The following LSAMP variants were observed in gnomAD, a reference collection of about 807,000 sequenced individuals.
The protein encoded by LSAMP is limbic system-associated membrane protein.
Under a neutral mutation model 38.6 loss-of-function variants are expected in LSAMP, and 7 were observed. The ratio of observed to expected loss-of-function variants is 0.18; its 90% CI spans 0.10 to 0.34. The LOEUF is 0.34. Among genes scored for constraint, LSAMP ranks in the 10% least tolerant of loss-of-function variants. LSAMP has a pLI of 1.00. For missense variants in LSAMP, 313 were observed against 420.0 expected, an observed-to-expected ratio of 0.75 and a Z score of 2.23; for synonymous variants, 154 against 166.8, an observed-to-expected ratio of 0.92 and a Z score of 0.59.
intron 3 of LSAMP, among the ~76,000 whole-genome samples, chr3:115,937,390 C>T (rs1937739663): frequency 6.6e-6 from 1 of 152,090 alleles, no homozygotes; most frequent in African/African-American, 2.4e-5. Context: ...CCTGTAATCT[C>T]AGCATGTTGG....
At chr3:116,436,682 G>C (rs1348441901) in intron 1 of LSAMP, among the ~76,000 whole-genome samples, 2 of 152,048 alleles carry the variant, frequency 1.3e-5, no homozygotes, top group Non-Finnish European at 1.5e-5. Context: ...AAACACAATA[G>C]ACGCTGGCAT....
chr3:116,110,728 G>A (rs941516691), intron 1 of LSAMP, among the ~76,000 whole-genome samples: 1 of 152,144 alleles, frequency 6.6e-6, no homozygotes, highest in African/African-American at 2.4e-5. Context: ...TCTTTCTCAC[G>A]GAGCAAAGAG....
chr3:115,903,552 A>G (rs1352827416), intron 3 of LSAMP, among the ~76,000 whole-genome samples: 1 of 152,184 alleles, frequency 6.6e-6, no homozygotes, highest in Non-Finnish European at 1.5e-5. Context: ...TTTGTTGGAA[A>G]AAGGCATAAA....
At chr3:116,162,972 C>T (rs1016389637) in intron 1 of LSAMP, among the ~76,000 whole-genome samples, 1 of 152,010 alleles carries the variant, frequency 6.6e-6, no homozygotes, top group Non-Finnish European at 1.5e-5. Context: ...CATCCCTGGA[C>T]CTGTTGCTTA....
intron 2 of LSAMP, among the ~76,000 whole-genome samples, chr3:116,023,741 C>G (rs1352246799): frequency 6.6e-6 from 1 of 151,458 alleles, no homozygotes; most frequent in Non-Finnish European, 1.5e-5. Context: ...CTTGATTAAT[C>G]TCATTGTCCT....
chr3:115,942,086 T>A (rs1388095271), intron 3 of LSAMP, among the ~76,000 whole-genome samples: 2 of 152,092 alleles, frequency 1.3e-5, no homozygotes, highest in East Asian at 3.8e-4. Context: ...CTAAAAGAAA[T>A]ATATTACAAA....
At chr3:116,427,751 T>C (rs561318781) in intron 1 of LSAMP, among the ~76,000 whole-genome samples, 3 of 152,120 alleles carry the variant, frequency 2.0e-5, no homozygotes, top group Non-Finnish European at 4.4e-5. Flanking sequence ...CTGTTGAACA[T>C]TTATTTAATC....
chr3:115,875,035 A>G (rs1936145457), intron 3 of LSAMP, among the ~76,000 whole-genome samples: 1 of 152,160 alleles, frequency 6.6e-6, no homozygotes, highest in Non-Finnish European at 1.5e-5. Flanking sequence ...ACCATATGAG[A>G]GAACATCGTT....
intron 1 of LSAMP, among the ~76,000 whole-genome samples, chr3:116,116,296 T>A (rs1708743853): frequency 6.6e-6 from 1 of 151,818 alleles, no homozygotes; most frequent in African/African-American, 2.4e-5. Context: ...TCTGCTCAAA[T>A]CCTTCTTTTT....
In LSAMP at chr3:116,409,862, C is replaced by T. The variant is rs540902006; in HGVS notation, c.155+35015G>A. On this transcript the variant is annotated intron_variant, in intron 1 of 6. Transcript: ENST00000490035. ...ATTGAAGAAGAAAGATGCTTATTTA[C>T]GGAGGCATGCTGAAGGAAAAAGAGA... is the stretch of plus-strand genomic sequence containing the variant. Among the ~76,000 whole-genome samples the T allele has an allele frequency of 7.2e-5, 11 of 152,122 alleles. No individual in the cohort carries two copies. In the East Asian group the frequency reaches 7.7e-4, roughly 11 times the overall value.
intron 1 of LSAMP, among the ~76,000 whole-genome samples, chr3:116,310,813 A>G (rs2047547601): frequency 6.6e-6 from 1 of 152,170 alleles, no homozygotes; most frequent in Admixed American, 6.5e-5. Context: ...AGAAAAGTTA[A>G]CTGACTTGAC....
chr3:116,358,720 A>G (rs1355763307), intron 1 of LSAMP, among the ~76,000 whole-genome samples: 4 of 152,110 alleles, frequency 2.6e-5, no homozygotes, highest in Admixed American at 1.3e-4. Context: ...TGCTGACTGA[A>G]TCATTTGTAC....
At chr3:116,115,670 CAA>C (rs1559748866) in intron 1 of LSAMP, among the ~76,000 whole-genome samples, 1 of 151,232 alleles carries the variant, frequency 6.6e-6, no homozygotes, top group African/African-American at 2.4e-5. Context: ...AGGCAAAAAA[CAA>C]AAAACAAAAC....
At chr3:116,258,816 T>C (rs2046789154) in intron 1 of LSAMP, among the ~76,000 whole-genome samples, 1 of 152,156 alleles carries the variant, frequency 6.6e-6, no homozygotes, top group Non-Finnish European at 1.5e-5. Flanking sequence ...CGTATAGTCA[T>C]ACAGAGACTG....
At position 116,019,606 on chromosome 3, in the gene LSAMP, G is replaced by A; in HGVS notation, c.423C>T (p.Val141=). 2 of 1,612,872 alleles carry A rather than the reference G, an allele frequency of 1.2e-6. No individual in the cohort carries two copies. Among genetic ancestry groups the A allele is most frequent in the African/African-American group, 1.3e-5 (1 of 74,992 alleles). ...TCACGTTGCTGCCCTCATTCACAGT[G>A]ACATCCGAGGAGATATTGGAGATCT... ...PPKISNISSD[V]TVNEGSNVTL... The change falls in exon 3 of 7, where the codon GTC becomes GTT. Residue 141 remains valine (V), a synonymous_variant. Transcript: ENST00000490035.
Position 116,117,312 on chromosome 3 carries a change from C to G in LSAMP, c.156-30756G>C, listed in dbSNP as rs111472075. On this transcript the variant is annotated intron_variant, in intron 1 of 6. Transcript: ENST00000490035. Reference sequence around the variant, plus strand: ...AGCCCCTCATGTCTGTCATTCCCCCCCTATTCTTTCTTTATATATTATTTT... The same window carrying G: ...AGCCCCTCATGTCTGTCATTCCCCCGCTATTCTTTCTTTATATATTATTTT... Among the ~76,000 whole-genome samples, 8 of 152,060 alleles carry G rather than the reference C, an allele frequency of 5.3e-5. No homozygotes were observed. In the East Asian group the frequency reaches 9.6e-4, roughly 18 times the overall value.
intron 1 of LSAMP, among the ~76,000 whole-genome samples, chr3:116,327,774 T>C (rs2047793533): frequency 1.3e-5 from 2 of 152,126 alleles, no homozygotes; most frequent in South Asian, 4.1e-4. Context: ...CAGGATGTGA[T>C]TGTGAGGTAA....
At chr3:116,355,495 C>G (rs1298174006) in intron 1 of LSAMP, among the ~76,000 whole-genome samples, 1 of 152,120 alleles carries the variant, frequency 6.6e-6, no homozygotes, top group African/African-American at 2.4e-5. Context: ...CTAAAGAAAA[C>G]ATTGGATAAA....
chr3:115,843,252 C>T (rs1042781926), intron 4 of LSAMP, among the ~76,000 whole-genome samples: 1 of 152,228 alleles, frequency 6.6e-6, no homozygotes, highest in Admixed American at 6.5e-5. Context: ...GCCTTCTATT[C>T]TCTCTGGCAG....
Sources: gnomAD v4.1 joint callset for allele counts (sites outside exome capture counted in the v4.1 genomes callset) on GRCh38, gnomAD v4.1.1 for gene constraint, MANE v1.5 for transcripts, NCBI Gene and HGNC (gene_info 2026-07-23, HGNC 2026-07-21) for gene names.